PARG: variants seen among roughly 807,000 people sequenced by gnomAD.
The protein encoded by PARG is mitochondrial poly(ADP-ribose) glycohydrolase.
Under a neutral mutation model 113.0 loss-of-function variants are expected in PARG, and 35 were observed. The ratio of observed to expected loss-of-function variants is 0.31; its 90% confidence interval spans 0.24 to 0.41. PARG has a LOEUF of 0.41. Ranked by LOEUF, PARG falls within the 10% of genes least tolerant of loss-of-function variation. The probability of loss-of-function intolerance (pLI) is 1.00; values close to 1 mark genes in which losing one functional copy is unlikely to be tolerated. For missense variants in PARG, 797 were observed against 1,169.4 expected (o/e 0.68, Z 4.64); for synonymous variants, 330 against 409.9 (o/e 0.81, Z 2.36).
chr10:49,824,016 G>A (rs1212712104), intron 16 of PARG, among the ~76,000 whole-genome samples: 4 of 152,140 alleles, frequency 2.6e-5, no homozygotes, highest in African/African-American at 9.7e-5. Flanking sequence ...TCAGCCTTCT[G>A]CCAGCTATCT....
intron 7 of PARG, among the ~76,000 whole-genome samples, chr10:49,887,686 G>A (rs1554840684): frequency 6.6e-6 from 1 of 151,952 alleles, no homozygotes; most frequent in African/African-American, 2.4e-5. Context: ...AATATTCCAT[G>A]GTTTGTTTAG....
At chr10:49,903,460 A>C in intron 7 of PARG, among the ~76,000 whole-genome samples, 1 of 151,894 alleles carries the variant, frequency 6.6e-6, no homozygotes, top group Non-Finnish European at 1.5e-5. Context: ...ACTCTCCCTG[A>C]ATATCCTGAA....
In PARG at chr10:49,852,587, C is replaced by T. The variant is rs555547441; in HGVS notation, c.2353+4719G>A. The stretch of plus-strand genomic sequence containing the variant: ...TCTTCTTTTTTTCTTTTTTTTGAGA[C>T]GGAGTCTCACTCTGTCACTCAGGCT... On this transcript the variant is annotated intron_variant, in intron 13 of 17. Transcript: ENST00000616448. 6.6e-4 allele frequency among the ~76,000 whole-genome samples: 96 copies of T among 145,056 alleles called. 3 individuals carry two copies. The highest frequency in any genetic ancestry group is 2.3e-3 in the African/African-American group (91 of 39,468).
At chr10:49,927,357 AGAAG>A (rs880000842) in intron 4 of PARG, among the ~76,000 whole-genome samples, 3,752 of 79,338 alleles carry the variant, frequency 0.047, 41 homozygotes, top group African/African-American at 0.071. Flanking sequence ...AAGGAAAGAA[AGAAG>A]GAAAGAAGGA....
chr10:49,885,203 C>T lies in PARG; in HGVS notation c.1830G>A (p.Gln610=). Residue 610 remains glutamine, a splice_region_variant and synonymous_variant, in exon 8 of 18, where the codon CAG becomes CAA. Transcript: ENST00000616448. ...IALCLPNICT[Q]PIPLLKQKMN... The stretch of plus-strand genomic sequence containing the variant: ...TACTGAGGAAGCTACATCCACTAAC[C>T]TGGGTGCAAATATTTGGCAGACAGA... The T allele has an allele frequency of 6.6e-7, 1 of 1,520,536 alleles. No homozygotes were observed. The highest frequency in any genetic ancestry group is 9.1e-7 in the Non-Finnish European group (1 of 1,096,432). The allele number at this position is 1,520,536 out of a possible 1,614,324, so 94.2% of individuals were successfully genotyped here. A position where few individuals can be genotyped will look rare whatever the true frequency, so the allele number is the denominator to read the frequency against.
chr10:49,886,160 A>C lies in PARG; in HGVS notation c.1738-865T>G, dbSNP rs187972991. Reference sequence around the variant, plus strand: ...AAACTGAGGCCAAGGAGGTTACCTGATCATCCTACATTGAGGTCAATTAAA... The same window carrying C: ...AAACTGAGGCCAAGGAGGTTACCTGCTCATCCTACATTGAGGTCAATTAAA... On this transcript the variant is annotated intron_variant, in intron 7 of 17. Transcript: ENST00000616448. Among the ~76,000 whole-genome samples, 142 of 152,340 alleles carry C rather than the reference A, an allele frequency of 9.3e-4. 1 individual carries two copies. The highest frequency in any genetic ancestry group is 8.5e-3 in the Admixed American group (130 of 15,296).
chr10:49,935,566 G>A (rs1286872905), intron 1 of PARG, among the ~76,000 whole-genome samples: 7 of 152,296 alleles, frequency 4.6e-5, no homozygotes, highest in East Asian at 1.9e-4. Flanking sequence ...TCTGGTTTAC[G>A]CTTAGTAAAT....
At chr10:49,865,980 C>T (rs1403622279) in intron 10 of PARG, among the ~76,000 whole-genome samples, 4 of 144,980 alleles carry the variant, frequency 2.8e-5, no homozygotes, top group Admixed American at 7.0e-5. Context: ...TAGTAGCAGT[C>T]GTAGCCAGAG....
At position 49,938,423 on chromosome 10, in the gene PARG, C is replaced by T. The variant is rs1217243193; in HGVS notation, c.217+3086G>A. Reference sequence around the variant, plus strand: ...TCAGTACCCAGTATATTTTAATCAGCAAGTCATTCAATTAATAGCTATAGA... The same window carrying T: ...TCAGTACCCAGTATATTTTAATCAGTAAGTCATTCAATTAATAGCTATAGA... On this transcript the variant is annotated intron_variant, in intron 1 of 17. Transcript: ENST00000616448. Among the ~76,000 whole-genome samples, 44 of 152,184 alleles carry T rather than the reference C, an allele frequency of 2.9e-4. 1 individual carries two copies. The highest frequency in any genetic ancestry group is 3.4e-3 in the Middle Eastern group (1 of 294).
intron 16 of PARG, among the ~76,000 whole-genome samples, chr10:49,822,403 T>C (rs1046876973): frequency 6.6e-6 from 1 of 152,206 alleles, no homozygotes; most frequent in African/African-American, 2.4e-5. Flanking sequence ...CTTAATGCTA[T>C]AGTTTGGACA....
intron 7 of PARG, among the ~76,000 whole-genome samples, chr10:49,904,946 A>G (rs1195017213): frequency 6.6e-6 from 1 of 151,934 alleles, no homozygotes; most frequent in Admixed American, 6.6e-5. Context: ...ATAAATAAAT[A>G]AAGTCAATTG....
chr10:49,828,741 A>T (rs1227033028), intron 16 of PARG, among the ~76,000 whole-genome samples: 5 of 152,212 alleles, frequency 3.3e-5, no homozygotes, highest in Admixed American at 1.3e-4. Flanking sequence ...TGGGCATGGT[A>T]GTGCATGTCT....
chr10:49,850,354 CTTAATAATTCTTAT>C (rs1275793767), intron 13 of PARG, among the ~76,000 whole-genome samples: 1 of 147,622 alleles, frequency 6.8e-6, no homozygotes, highest in Non-Finnish European at 1.5e-5. Flanking sequence ...ATTCAGGGTT[CTTAATAATTCTTAT>C]TTTGTTTACA....
At chr10:49,830,936 CTGAA>C (rs1320952068) in intron 16 of PARG, among the ~76,000 whole-genome samples, 5 of 152,252 alleles carry the variant, frequency 3.3e-5, no homozygotes, top group Non-Finnish European at 5.9e-5. Context: ...AAAACAAACT[CTGAA>C]TGGAGAATCT....
intron 4 of PARG, among the ~76,000 whole-genome samples, chr10:49,927,384 AAG>A (rs1554850902): frequency 5.5e-5 from 3 of 54,894 alleles, no homozygotes; most frequent in African/African-American, 1.0e-4. Context: ...GAAAGAAAGA[AAG>A]AAAGAAAGAA....
intron 7 of PARG, among the ~76,000 whole-genome samples, chr10:49,910,843 C>A (rs1837137317): frequency 7.9e-5 from 12 of 152,024 alleles, no homozygotes; most frequent in Admixed American, 7.9e-4. Context: ...ATATCCAAGT[C>A]CAGAAATAGA....
At position 49,820,238 on chromosome 10, in the gene PARG, G is replaced by A; in HGVS notation, c.2703C>T (p.Thr901=). 1 of 1,544,528 alleles carries A rather than the reference G, an allele frequency of 6.5e-7. No homozygotes were observed. The highest frequency in any genetic ancestry group is 2.0e-5 in the Admixed American group (1 of 50,988). ...AAAERDVVYF[T]FGDSELMRDI... ...CTCTCATCAATTCTGAGTCCCCAAAGGTGAAATAAACCACATCTCGCTCAG... is the reference window on the plus strand; with the variant it reads ...CTCTCATCAATTCTGAGTCCCCAAAAGTGAAATAAACCACATCTCGCTCAG... Residue 901 remains threonine (T), a synonymous_variant, in exon 17 of 18, where the codon ACC becomes ACT. Coordinates refer to ENST00000616448, the MANE Select transcript of PARG (RefSeq NM_003631.5).
intron 7 of PARG, among the ~76,000 whole-genome samples, chr10:49,906,912 G>A (rs1796091702): frequency 6.6e-6 from 1 of 151,834 alleles, no homozygotes; most frequent in Admixed American, 6.6e-5. Context: ...AGCAGGCATG[G>A]AAGAAGGAAA....
At chr10:49,914,811 G>C (rs1837378908) in intron 7 of PARG, among the ~76,000 whole-genome samples, 1 of 152,176 alleles carries the variant, frequency 6.6e-6, no homozygotes, top group African/African-American at 2.4e-5. Context: ...GTTTTGAAAA[G>C]GTGCCAAGAC....
Sources: allele counts gnomAD v4.1 joint callset (sites outside exome capture counted in the v4.1 genomes callset), GRCh38; gene constraint gnomAD v4.1.1; transcripts MANE v1.5; gene names NCBI Gene and HGNC (gene_info 2026-07-23, HGNC 2026-07-21).